C22orf31: variants seen among roughly 807,000 people sequenced by gnomAD.
The protein encoded by C22orf31 is uncharacterized protein C22orf31.
Under a neutral mutation model 15.0 loss-of-function variants are expected in C22orf31, and 11 were observed. The ratio of observed to expected loss-of-function variants is 0.73; its 90% CI spans 0.46 to 1.21. The LOEUF (loss-of-function observed/expected upper bound fraction) is 1.21, where lower values mean the gene tolerates loss of function less well. Ranked by LOEUF, C22orf31 falls within the 50% of genes most tolerant of loss-of-function variation. The pLI, the probability that C22orf31 is intolerant of heterozygous loss-of-function variation, is 0.00. For synonymous variants in C22orf31, 132 were observed against 133.3 expected (o/e 0.99, Z 0.07); for missense variants, 340 against 347.2 (o/e 0.98, Z 0.17).
Position 29,060,415 on chromosome 22 carries a change from C to A in C22orf31, c.432G>T (p.Glu144Asp). ...GHRRPAGGIRESKESSKEKKL... is the reference protein window; with the variant it reads ...GHRRPAGGIRDSKESSKEKKL... ...TTCCCCACCACTGGTCCTCGTCTAC[C>A]TCTCTGATGCCTCCTGCAGGCCTCC... The change falls in exon 2 of 3, where the codon GAG becomes GAT. Residue 144 changes from glutamate to aspartate, a missense_variant and splice_region_variant. Transcript: ENST00000216071. 1 of 1,608,666 alleles carries A rather than the reference C, an allele frequency of 6.2e-7. No individual in the cohort carries two copies. Among genetic ancestry groups the A allele is most frequent in the Non-Finnish European group, 8.5e-7 (1 of 1,178,114 alleles).
chr22:29,068,397 C>T, the C22orf31 span, among the ~76,000 whole-genome samples: 1 of 147,386 alleles, frequency 6.8e-6, no homozygotes, highest in Non-Finnish European at 1.5e-5. Flanking sequence ...GGCTCAAGAC[C>T]CTGTCTTTAA....
the C22orf31 span, chr22:29,073,243 C>A: frequency 9.1e-7 from 1 of 1,095,916 alleles, no homozygotes; most frequent in Non-Finnish European, 1.1e-6. The surrounding 1 kb of genome is among the most constrained non-coding windows in gnomAD (Gnocchi z 4.4). Flanking sequence ...TGTGAGCGAC[C>A]CCCCGCCGCC....
chr22:29,061,879 T>G (rs2037395795), upstream of C22orf31: 1 of 1,141,010 alleles, frequency 8.8e-7, no homozygotes, highest in East Asian at 2.4e-5. Context: ...TCTCTCTCTT[T>G]TTTTTTGTTT....
chr22:29,062,995 C>T (rs2037406278), upstream of C22orf31, among the ~76,000 whole-genome samples: 1 of 151,982 alleles, frequency 6.6e-6, no homozygotes, highest in African/African-American at 2.4e-5. Context: ...CTGGAAATTA[C>T]CATCTGTCTT....
upstream of C22orf31, among the ~76,000 whole-genome samples, chr22:29,064,675 A>ATTTTTTTTTTTTTTTTTTTTTTTTT (rs563569423): frequency 1.9e-5 from 1 of 51,290 alleles, no homozygotes; most frequent in African/African-American, 7.2e-5. Context: ...TTGCCCAGTG[A>ATTTTTTTTTTTTTTTTTTTTTTTTT]TTTTTTTTTT....
the C22orf31 span, among the ~76,000 whole-genome samples, chr22:29,068,671 A>G: frequency 6.6e-6 from 1 of 151,676 alleles, no homozygotes; most frequent in African/African-American, 2.4e-5. Flanking sequence ...CGGCCTCCCA[A>G]AGTGCTGGGA....
chr22:29,071,883 T>C, the C22orf31 span, among the ~76,000 whole-genome samples: 3 of 152,298 alleles, frequency 2.0e-5, no homozygotes, highest in East Asian at 5.8e-4. Flanking sequence ...GTCTCATCCA[T>C]TTCTGGACGT....
At chr22:29,070,423 C>T in the C22orf31 span, among the ~76,000 whole-genome samples, 27 of 152,342 alleles carry the variant, frequency 1.8e-4, no homozygotes, top group East Asian at 4.8e-3. Flanking sequence ...CAGACCAAAG[C>T]TACTATCACA....
upstream of C22orf31, chr22:29,061,968 C>A: frequency 1.8e-6 from 1 of 552,620 alleles, no homozygotes; most frequent in Non-Finnish European, 3.3e-6. Flanking sequence ...TAGATGTGGG[C>A]TCAATGCAGG....
the C22orf31 span, among the ~76,000 whole-genome samples, chr22:29,067,734 G>A: frequency 5.9e-5 from 9 of 152,152 alleles, no homozygotes; most frequent in East Asian, 1.5e-3. Context: ...ATGAGCCACC[G>A]TGCCCAGGCT....
At chr22:29,062,665 G>C (rs1409311313), upstream of C22orf31, among the ~76,000 whole-genome samples, 1 of 152,104 alleles carries the variant, frequency 6.6e-6, no homozygotes, top group Non-Finnish European at 1.5e-5. Flanking sequence ...GGGGCTCCTG[G>C]AATCGCATGT....
upstream of C22orf31, among the ~76,000 whole-genome samples, chr22:29,065,364 A>T (rs2037422332): frequency 6.6e-6 from 1 of 152,132 alleles, no homozygotes; most frequent in Non-Finnish European, 1.5e-5. Context: ...ACTTGAATCC[A>T]GGAGTTCAAG....
the C22orf31 span, among the ~76,000 whole-genome samples, chr22:29,072,868 C>A: frequency 6.6e-6 from 1 of 152,014 alleles, no homozygotes; most frequent in Non-Finnish European, 1.5e-5. Context: ...GGGCCTGATG[C>A]GTGAGTGGCA....
chr22:29,071,060 T>C, the C22orf31 span, among the ~76,000 whole-genome samples: 28 of 151,940 alleles, frequency 1.8e-4, no homozygotes, highest in Non-Finnish European at 4.1e-4. Flanking sequence ...ACAGAAGTCC[T>C]GGAATAAGGG....
the C22orf31 span, chr22:29,073,374 G>A: frequency 8.4e-6 from 2 of 237,596 alleles, no homozygotes; most frequent in Admixed American, 1.2e-4. This position sits in a 1 kb window ranked among gnomAD's most constrained non-coding sequence, Gnocchi z 4.4. Context: ...CCCTCAGGCC[G>A]GGATGGTCCC....
intron 2 of C22orf31, chr22:29,059,614 C>G: frequency 1.2e-6 from 1 of 846,036 alleles, no homozygotes; most frequent in Non-Finnish European, 1.4e-6. Context: ...AGCCCGAGGT[C>G]GTCCTCAATT....
the C22orf31 span, among the ~76,000 whole-genome samples, chr22:29,068,503 C>CCT: frequency 6.7e-6 from 1 of 149,010 alleles, no homozygotes; most frequent in Non-Finnish European, 1.5e-5. Context: ...CTCTGCCTCT[C>CCT]GGGTTCACAC....
upstream of C22orf31, among the ~76,000 whole-genome samples, chr22:29,066,486 C>G (rs1008386266): frequency 2.0e-5 from 3 of 151,170 alleles, no homozygotes; most frequent in African/African-American, 7.3e-5. Flanking sequence ...ACCTGACTCC[C>G]GCAGATGTCC....
the C22orf31 span, among the ~76,000 whole-genome samples, chr22:29,072,447 T>G: frequency 6.6e-6 from 1 of 152,180 alleles, no homozygotes; most frequent in Admixed American, 6.5e-5. Context: ...TCTTATTTAG[T>G]GCAAGCGCTC....
Sources: allele counts gnomAD v4.1 joint callset (sites outside exome capture counted in the v4.1 genomes callset), GRCh38; gene constraint gnomAD v4.1.1; non-coding constraint Gnocchi (gnomAD v3.1); transcripts MANE v1.5; gene names NCBI Gene and HGNC (gene_info 2026-07-23, HGNC 2026-07-21).